Variants in SIPA1L3 observed in about 807,000 individuals in gnomAD.
SIPA1L3 encodes the protein signal induced proliferation associated 1 like 3, also known as signal-induced proliferation-associated 1-like protein 3.
Under a neutral mutation model 150.1 loss-of-function variants are expected in SIPA1L3, and 59 were observed. That is an observed-to-expected ratio of 0.39 (90% CI 0.32 to 0.49). The LOEUF (loss-of-function observed/expected upper bound fraction) is 0.49. Among genes scored for constraint, SIPA1L3 ranks in the 20% least tolerant of loss-of-function variants. The pLI is 0.86. For synonymous variants in SIPA1L3, 1,070 were observed against 1,077.6 expected (o/e 0.99, Z 0.14); for missense variants, 2,211 against 2,489.5 (o/e 0.89, Z 2.38).
chr19:38,107,757 A>G (rs1600080930), intron 7 of SIPA1L3, among the ~76,000 whole-genome samples: 1 of 152,180 alleles, frequency 6.6e-6, no homozygotes, highest in Non-Finnish European at 1.5e-5. Context: ...CAGGCGGATC[A>G]CCTGAGGTCG....
chr19:37,909,435 C>T (rs1052841958), intron 1 of SIPA1L3, among the ~76,000 whole-genome samples: 4 of 152,210 alleles, frequency 2.6e-5, no homozygotes, highest in African/African-American at 9.6e-5. Context: ...TCTTGAACTC[C>T]TGACCTCAGG....
intron 12 of SIPA1L3, among the ~76,000 whole-genome samples, chr19:38,143,441 T>G (rs8100956): frequency 0.36 from 54,132 of 151,472 alleles, 10,719 homozygotes; most frequent in East Asian, 0.62. Context: ...CCTTTCCCTG[T>G]TCTCTTGCCC....
Position 38,201,966 on chromosome 19 carries a change from C to A in SIPA1L3, c.5089C>A (p.Pro1697Thr), listed in dbSNP as rs1973097464. Residue 1697 changes from proline (P) to threonine (T), a missense_variant, in exon 20 of 22, where the codon CCC becomes ACC. Transcript: ENST00000222345. ...CAGCCACCTGAGCCTGGAGAGGGGA[C>A]CCCCGACCCCCAGGACCACCCCTAC... ...VHSHLSLERG[P>T]PTPRTTPTMS... The A allele has an allele frequency of 1.2e-6, 2 of 1,612,344 alleles. No individual in the cohort carries two copies. The highest frequency in any genetic ancestry group is 1.7e-6 in the Non-Finnish European group (2 of 1,179,256).
At chr19:38,175,123 G>A (rs1012821964) in intron 15 of SIPA1L3, among the ~76,000 whole-genome samples, 2 of 151,694 alleles carry the variant, frequency 1.3e-5, no homozygotes, top group African/African-American at 4.8e-5. Context: ...CATCTCCCTG[G>A]GCCTCAGTTT....
In SIPA1L3 at chr19:38,206,091, G is replaced by A. The variant is rs1401200570; in HGVS notation, c.5203-6G>A. The A allele has an allele frequency of 2.6e-6, 4 of 1,542,098 alleles. No homozygotes were observed. Among genetic ancestry groups the A allele is most frequent in the Middle Eastern group, 1.8e-4 (1 of 5,468 alleles). On this transcript the variant is annotated splice_polypyrimidine_tract_variant and splice_region_variant and intron_variant, in intron 21 of 21. Transcript: ENST00000222345. ...CCGCCTGATGCCAGCTTCCCACCCT[G>A]TGCAGGAGAAGCAGGACAAGGTGGT...
intron 1 of SIPA1L3, among the ~76,000 whole-genome samples, chr19:38,027,732 G>A (rs1968546792): frequency 6.6e-6 from 1 of 151,212 alleles, no homozygotes; most frequent in Admixed American, 6.6e-5. Context: ...GCCCAGGCTG[G>A]TCTTGAACTT....
chr19:38,026,188 C>T (rs900448722), intron 1 of SIPA1L3, among the ~76,000 whole-genome samples: 1 of 152,136 alleles, frequency 6.6e-6, no homozygotes, highest in Non-Finnish European at 1.5e-5. Flanking sequence ...TTCCTTTTAC[C>T]TCCTGGCTCA....
At chr19:37,912,870 G>A (rs547448634) in intron 1 of SIPA1L3, among the ~76,000 whole-genome samples, 55 of 152,194 alleles carry the variant, frequency 3.6e-4, no homozygotes, top group Non-Finnish European at 6.9e-4. Context: ...AGATGTTGGG[G>A]GCCTAAGGTG....
At chr19:38,202,887 G>A (rs1478301189) in intron 20 of SIPA1L3, among the ~76,000 whole-genome samples, 1 of 152,200 alleles carries the variant, frequency 6.6e-6, no homozygotes, top group Non-Finnish European at 1.5e-5. Context: ...GTCATCTCAC[G>A]CGTGGCTTCT....
At chr19:38,152,251 G>T (rs988508247) in intron 12 of SIPA1L3, among the ~76,000 whole-genome samples, 1 of 152,190 alleles carries the variant, frequency 6.6e-6, no homozygotes, top group East Asian at 1.9e-4. Context: ...CTAAACACTG[G>T]ACATGACGGG....
At chr19:38,121,363 G>T (rs1024224390) in intron 9 of SIPA1L3, among the ~76,000 whole-genome samples, 1 of 151,800 alleles carries the variant, frequency 6.6e-6, no homozygotes, top group Non-Finnish European at 1.5e-5. Context: ...GTGTGAACCC[G>T]GAAGGCGAGG....
At chr19:37,995,424 C>T (rs1335815609) in intron 1 of SIPA1L3, among the ~76,000 whole-genome samples, 1 of 152,144 alleles carries the variant, frequency 6.6e-6, no homozygotes, top group Non-Finnish European at 1.5e-5. Flanking sequence ...CATGTATTCC[C>T]ACAGAGCCTG....
At chr19:38,114,424 CAAAA>C (rs5828003) in intron 8 of SIPA1L3, among the ~76,000 whole-genome samples, 6 of 100,240 alleles carry the variant, frequency 6.0e-5, no homozygotes, top group Admixed American at 1.0e-4. Flanking sequence ...ACTCTTGTCT[CAAAA>C]AAAAAAAAAA....
chr19:38,089,001 A>G, intron 4 of SIPA1L3, 150 bp downstream of exon 4: 1 of 817,954 alleles, frequency 1.2e-6, no homozygotes, highest in Admixed American at 2.8e-5. Flanking sequence ...TCCATCTCAC[A>G]GAGGAAGAAA....
chr19:38,078,342 C>T (rs1969894130), intron 2 of SIPA1L3, among the ~76,000 whole-genome samples: 1 of 152,124 alleles, frequency 6.6e-6, no homozygotes, highest in African/African-American at 2.4e-5. Flanking sequence ...GCTATTTGCT[C>T]CTTGAATCTG....
rs34272056 is a variant in SIPA1L3, at chr19:37,973,235, CTT to C, written c.-378-55836_-378-55835del. 7.2e-3 allele frequency among the ~76,000 whole-genome samples: 864 copies of C among 119,932 alleles called. 11 individuals carry two copies. Among genetic ancestry groups the C allele is most frequent in the African/African-American group, 0.025 (769 of 30,480 alleles). The allele number at this position is 119,932 out of a possible 152,430, so 78.7% of individuals were successfully genotyped here. On this transcript the variant is annotated intron_variant, in intron 1 of 21. Transcript: ENST00000222345. ...CATGGTGTATGAAAAAAAAGCGCAT[CTT>C]TTTTTTTTTTTTTTTTTGAGATAGA... is the stretch of plus-strand genomic sequence containing the variant.
At chr19:38,179,229 G>T (rs1395748905) in intron 15 of SIPA1L3, among the ~76,000 whole-genome samples, 1 of 152,226 alleles carries the variant, frequency 6.6e-6, no homozygotes, top group Non-Finnish European at 1.5e-5. Flanking sequence ...ATCACCTGAA[G>T]TCAGGAGTTC....
intron 15 of SIPA1L3, among the ~76,000 whole-genome samples, chr19:38,167,599 A>G (rs553341716): frequency 1.3e-5 from 2 of 152,236 alleles, no homozygotes; most frequent in Admixed American, 1.3e-4. Context: ...GTCCTGCTCT[A>G]TTGCCCAGGC....
At chr19:37,998,295 G>A in intron 1 of SIPA1L3, among the ~76,000 whole-genome samples, 1 of 152,078 alleles carries the variant, frequency 6.6e-6, no homozygotes, top group East Asian at 1.9e-4. Flanking sequence ...CTGTTCCTCA[G>A]CCAGCCCTGT....
Sources: allele counts gnomAD v4.1 joint callset (sites outside exome capture counted in the v4.1 genomes callset), GRCh38; gene constraint gnomAD v4.1.1; transcripts MANE v1.5; gene names NCBI Gene and HGNC (gene_info 2026-07-23, HGNC 2026-07-21).